The following SCOC variants were observed in gnomAD, a reference collection of about 807,000 sequenced individuals.
SCOC encodes the protein short coiled coil protein.
A neutral mutation model predicts 9.9 loss-of-function variants in SCOC; 7 were observed. That is an observed-to-expected ratio of 0.71 (90% CI 0.40 to 1.33). The LOEUF is 1.33. Among genes scored for constraint, SCOC ranks in the 40% most tolerant of loss-of-function variants. The pLI is 0.01. For missense variants in SCOC, 66 were observed against 89.7 expected (o/e 0.74, Z 1.07); for synonymous variants, 19 against 28.2 (o/e 0.67, Z 1.03).
chr4:140,260,844 AT>A (rs921464661), intron 1 of SCOC, among the ~76,000 whole-genome samples: 6 of 151,518 alleles, frequency 4.0e-5, no homozygotes, highest in East Asian at 1.9e-4. Context: ...GTTCTGATTT[AT>A]TTTTTTTTAA....
upstream of SCOC, among the ~76,000 whole-genome samples, chr4:140,340,783 C>CTTTTTTTTTTTTTTTTT (rs36136647): frequency 2.5e-4 from 10 of 40,446 alleles, 1 homozygote; most frequent in South Asian, 8.3e-4. Context: ...TGCTGCCTAA[C>CTTTTTTTTTTTTTTTTT]TTTTTTTTTT....
intron 1 of SCOC, among the ~76,000 whole-genome samples, chr4:140,320,004 C>T (rs868762306): frequency 3.9e-5 from 6 of 152,216 alleles, no homozygotes; most frequent in East Asian, 1.9e-4. Flanking sequence ...GCATTTGAAC[C>T]GGAGCAACTC....
At chr4:140,331,874 A>C (rs1272852111) in intron 1 of SCOC, among the ~76,000 whole-genome samples, 1 of 152,198 alleles carries the variant, frequency 6.6e-6, no homozygotes, top group Non-Finnish European at 1.5e-5. Context: ...TTTCTAAAGA[A>C]CAGAGGTTTA....
intron 1 of SCOC, among the ~76,000 whole-genome samples, chr4:140,317,507 C>A (rs937980857): frequency 6.6e-6 from 1 of 152,094 alleles, no homozygotes; most frequent in Admixed American, 6.5e-5. Context: ...GATCACGACC[C>A]TCTCTTGCGG....
chr4:140,327,589 G>C (rs145758756), intron 1 of SCOC, among the ~76,000 whole-genome samples: 9 of 152,152 alleles, frequency 5.9e-5, no homozygotes, highest in Non-Finnish European at 1.2e-4. Context: ...AGGAGGTAAA[G>C]GGCAGCTTGG....
At chr4:140,285,780 G>A (rs973373875) in intron 1 of SCOC, among the ~76,000 whole-genome samples, 2 of 152,194 alleles carry the variant, frequency 1.3e-5, no homozygotes, top group Non-Finnish European at 2.9e-5. Context: ...ACAGAGGGAA[G>A]AGCAACAGAT....
chr4:140,312,011 T>C (rs1188292185), intron 1 of SCOC, among the ~76,000 whole-genome samples: 1 of 152,248 alleles, frequency 6.6e-6, no homozygotes, highest in African/African-American at 2.4e-5. Context: ...ACAAACACTT[T>C]TAGCGAGAAA....
At chr4:140,375,775 T>C (rs1728317973) in intron 1 of SCOC, among the ~76,000 whole-genome samples, 1 of 152,212 alleles carries the variant, frequency 6.6e-6, no homozygotes, top group African/African-American at 2.4e-5. Flanking sequence ...CAAGGCTAGA[T>C]ACCCGAATTT....
intron 1 of SCOC, among the ~76,000 whole-genome samples, chr4:140,261,575 C>T (rs1176955391): frequency 1.3e-5 from 2 of 152,170 alleles, no homozygotes; most frequent in African/African-American, 4.8e-5. Flanking sequence ...GTGAGTACTC[C>T]AATGTGCAAG....
intron 1 of SCOC, among the ~76,000 whole-genome samples, chr4:140,264,906 A>G (rs907280523): frequency 1.7e-4 from 26 of 152,186 alleles, no homozygotes; most frequent in African/African-American, 6.0e-4. Flanking sequence ...ACTGATGACA[A>G]AAACAATGAC....
chr4:140,330,859 T>C (rs1374821931), intron 1 of SCOC, among the ~76,000 whole-genome samples: 2 of 152,234 alleles, frequency 1.3e-5, no homozygotes, highest in South Asian at 2.1e-4. Context: ...TCTTCATTAA[T>C]ACAAGAATTT....
Position 140,354,341 on chromosome 4 carries a change from G to A in SCOC, c.70+10633G>A, listed in dbSNP as rs536321530. Among the ~76,000 whole-genome samples, 3 of 152,128 alleles carry A rather than the reference G, an allele frequency of 2.0e-5. No homozygotes were observed. In the South Asian group the frequency reaches 6.2e-4, roughly 32 times the overall value. ...GAGCCCTTTGCCATACTGTAAAAAT[G>A]GAATTTCTGTAATAAAATGTTATAA... On this transcript the variant is annotated intron_variant, in intron 2 of 4. Coordinates refer to the SCOC transcript ENST00000338517.
intron 2 of SCOC, chr4:140,366,510 C>A: frequency 6.4e-7 from 1 of 1,563,404 alleles, no homozygotes; most frequent in Non-Finnish European, 8.8e-7. Context: ...TTATTCTGTT[C>A]CTCATTGCCT....
chr4:140,381,079 C>T lies in SCOC; in HGVS notation c.224C>T (p.Thr75Ile). The T allele has an allele frequency of 6.3e-7, 1 of 1,597,726 alleles. No individual in the cohort carries two copies. The highest frequency in any genetic ancestry group is 2.3e-5 in the East Asian group (1 of 44,408). The change falls in exon 4 of 4, where the codon ACT becomes ATT. Residue 75 changes from threonine (T) to isoleucine (I), a missense_variant. Physicochemically the swap from Thr to Ile is moderately conservative, Grantham distance 89. Transcript: ENST00000608372. ...LMSASSVFQTTDTKSKRK is the reference protein window; with the variant it reads ...LMSASSVFQTIDTKSKRK ...TCAGCTTCTAGTGTTTTTCAAACAA[C>T]TGACACAAAAAGCAAAAGAAAGTAA...
At chr4:140,330,511 A>C (rs1371264220) in intron 1 of SCOC, among the ~76,000 whole-genome samples, 1 of 152,212 alleles carries the variant, frequency 6.6e-6, no homozygotes, top group Non-Finnish European at 1.5e-5. Flanking sequence ...TATCCACCAG[A>C]GGGAGCCAAC....
At chr4:140,344,137 T>C (rs1726615269) in intron 2 of SCOC, among the ~76,000 whole-genome samples, 1 of 152,220 alleles carries the variant, frequency 6.6e-6, no homozygotes, top group East Asian at 1.9e-4. Context: ...AATGTCTGAT[T>C]TTTAAGGCTA....
intron 1 of SCOC, among the ~76,000 whole-genome samples, chr4:140,323,886 C>A (rs150251159): frequency 1.5e-3 from 227 of 152,006 alleles, no homozygotes; most frequent in Non-Finnish European, 2.9e-3. Flanking sequence ...TAAGCATTAC[C>A]CTAAGACTCA....
chr4:140,257,939 C>G (rs1173812693), intron 1 of SCOC, among the ~76,000 whole-genome samples: 2 of 152,244 alleles, frequency 1.3e-5, no homozygotes, highest in Non-Finnish European at 2.9e-5. Context: ...AAGGAACAAG[C>G]ACAGGCGGAA....
intron 1 of SCOC, among the ~76,000 whole-genome samples, chr4:140,273,891 A>G (rs1421043857): frequency 6.6e-6 from 1 of 152,246 alleles, no homozygotes; most frequent in Non-Finnish European, 1.5e-5. Flanking sequence ...ATGTTCAAAC[A>G]TATTCAGATT....
Sources: gnomAD v4.1 joint callset for allele counts (sites outside exome capture counted in the v4.1 genomes callset) on GRCh38, gnomAD v4.1.1 for gene constraint, MANE v1.5 for transcripts, NCBI Gene and HGNC (gene_info 2026-07-23, HGNC 2026-07-21) for gene names.